Variants in EGFLAM observed in about 807,000 individuals in gnomAD.
The protein encoded by EGFLAM is pikachurin.
A neutral mutation model predicts 113.1 loss-of-function variants in EGFLAM; 79 were observed. The observed-to-expected ratio is 0.70, with a 90% CI of 0.58 to 0.84. The LOEUF (loss-of-function observed/expected upper bound fraction) is 0.84, where lower values mean the gene tolerates loss of function less well. Among genes scored for constraint, EGFLAM ranks in the 40% least tolerant of loss-of-function variants. The pLI, the probability that EGFLAM is intolerant of heterozygous loss-of-function variation, is 0.00. For missense variants in EGFLAM, 1,265 were observed against 1,291.6 expected, an observed-to-expected ratio of 0.98 and a Z score of 0.32; for synonymous variants, 504 against 487.6, an observed-to-expected ratio of 1.03 and a Z score of -0.44.
chr5:38,323,200 G>A (rs183790680), intron 1 of EGFLAM, among the ~76,000 whole-genome samples: 5 of 152,222 alleles, frequency 3.3e-5, no homozygotes, highest in Admixed American at 2.6e-4. Context: ...TGATATTTTT[G>A]TTTGCATTTT....
At chr5:38,329,250 C>T (rs1286248648) in intron 1 of EGFLAM, among the ~76,000 whole-genome samples, 1 of 151,642 alleles carries the variant, frequency 6.6e-6, no homozygotes, top group Non-Finnish European at 1.5e-5. Context: ...GATCACACCA[C>T]TGCACTCCAG....
intron 11 of EGFLAM, among the ~76,000 whole-genome samples, 197 bp from the exon 12 acceptor site, chr5:38,417,869 G>C (rs897272435): frequency 5.9e-5 from 9 of 152,118 alleles, no homozygotes; most frequent in African/African-American, 1.9e-4. Flanking sequence ...ACAGCCCTCT[G>C]AGAAACTCAC....
intron 3 of EGFLAM, among the ~76,000 whole-genome samples, chr5:38,340,307 G>T (rs950999510): frequency 9.9e-5 from 15 of 152,270 alleles, no homozygotes; most frequent in Admixed American, 6.5e-4. Context: ...CTTGAAAGGG[G>T]TGTAATAATT....
At chr5:38,444,699 C>G (rs112477077) in intron 17 of EGFLAM, among the ~76,000 whole-genome samples, 6,361 of 152,214 alleles carry the variant, frequency 0.042, 401 homozygotes, top group African/African-American at 0.14. Context: ...AATCCAGGCG[C>G]TTTGGGAGGC....
In EGFLAM at chr5:38,258,701, C is replaced by A. The variant is rs1757414004; in HGVS notation, c.-54C>A. 6.4e-7 allele frequency: 1 copy of A among 1,560,272 alleles called. No homozygotes were observed. The highest frequency in any genetic ancestry group is 8.7e-7 in the Non-Finnish European group (1 of 1,148,974). On this transcript the variant is annotated 5_prime_UTR_variant, in exon 1 of 22. Transcript: ENST00000322350. ...CGTCCCCCACGCGCCCCCGGAGACG[C>A]CCTTTCCGTGTGCGCCCGGGACTTG...
rs1293231075 is a variant in EGFLAM, at chr5:38,352,279, G to A, written c.493G>A (p.Gly165Arg). The change falls in exon 5 of 22, where the codon GGA (glycine) becomes AGA (arginine). Residue 165 changes from glycine (G) to arginine (R), a missense_variant. Coordinates refer to ENST00000322350, the MANE Select transcript of EGFLAM (RefSeq NM_152403.4). ...TGAGGTGGCCCTGTCTTGGAAACCTGGAGCGAGTGAAGGAAGCGCCCCTAT... is the reference window on the plus strand; with the variant it reads ...TGAGGTGGCCCTGTCTTGGAAACCTAGAGCGAGTGAAGGAAGCGCCCCTAT... ...DSEVALSWKP[G>R]ASEGSAPIQY... 1 of 1,613,940 alleles carries A rather than the reference G, an allele frequency of 6.2e-7. No individual in the cohort carries two copies. The highest frequency in any genetic ancestry group is 2.2e-5 in the East Asian group (1 of 44,888).
chr5:38,312,442 A>T (rs1026579754), intron 1 of EGFLAM, among the ~76,000 whole-genome samples: 1 of 151,822 alleles, frequency 6.6e-6, no homozygotes, highest in South Asian at 2.1e-4. Flanking sequence ...GGGTTTCACC[A>T]TGTTAGCCAG....
At chr5:38,463,184 C>A (rs1743348833) in intron 21 of EGFLAM, among the ~76,000 whole-genome samples, 173 bp downstream of exon 21, 1 of 152,126 alleles carries the variant, frequency 6.6e-6, no homozygotes, top group South Asian at 2.1e-4. Flanking sequence ...GCTGAGGGGG[C>A]AGGAAGGGCT....
rs1001641748 is a variant in EGFLAM at position 38,313,626 on chromosome 5, A to C, written c.98-23894A>C. Among the ~76,000 whole-genome samples the C allele has an allele frequency of 2.0e-5, 3 of 152,296 alleles. No homozygotes were observed. The East Asian group carries it at 5.8e-4, about 29-fold the overall frequency. On this transcript the variant is annotated intron_variant, in intron 1 of 21. Transcript: ENST00000322350. ...TTTACCAAGTAAAATAACTAATCAAAACATATAAAAACACTCCCTTTATAG... is the reference window on the plus strand; with the variant it reads ...TTTACCAAGTAAAATAACTAATCAACACATATAAAAACACTCCCTTTATAG...
intron 6 of EGFLAM, among the ~76,000 whole-genome samples, chr5:38,404,969 C>T (rs1741234503): frequency 6.6e-6 from 1 of 152,116 alleles, no homozygotes; most frequent in African/African-American, 2.4e-5. Context: ...GAATGTTCCC[C>T]AAAAGATGAT....
intron 1 of EGFLAM, among the ~76,000 whole-genome samples, chr5:38,314,653 T>C (rs1265224502): frequency 3.9e-5 from 6 of 152,258 alleles, no homozygotes; most frequent in African/African-American, 1.2e-4. Flanking sequence ...CTTAGATTTT[T>C]CTGTATTCCA....
At chr5:38,271,287 G>C (rs188919899) in intron 1 of EGFLAM, among the ~76,000 whole-genome samples, 27 of 152,292 alleles carry the variant, frequency 1.8e-4, no homozygotes, top group African/African-American at 6.3e-4. Context: ...GTGATATTAA[G>C]AGAATAAATG....
At chr5:38,408,093 G>C (rs1258982262) in intron 9 of EGFLAM, among the ~76,000 whole-genome samples, 188 bp downstream of exon 9, 2 of 152,204 alleles carry the variant, frequency 1.3e-5, no homozygotes, top group African/African-American at 4.8e-5. Context: ...CAACATTCAA[G>C]TGTGACAGTG....
intron 2 of EGFLAM, 117 bp downstream of exon 2, chr5:38,337,746 C>T: frequency 1.2e-6 from 1 of 819,312 alleles, no homozygotes; most frequent in East Asian, 2.7e-5. Flanking sequence ...CCCATTCTCC[C>T]TCCATAAAGC....
chr5:38,353,156 G>T (rs1739675447), intron 5 of EGFLAM, among the ~76,000 whole-genome samples: 1 of 152,176 alleles, frequency 6.6e-6, no homozygotes, highest in Non-Finnish European at 1.5e-5. Flanking sequence ...TTAGCAGAGG[G>T]TAGAGAGTGA....
chr5:38,357,196 C>T (rs1739785510), intron 5 of EGFLAM, among the ~76,000 whole-genome samples: 2 of 152,134 alleles, frequency 1.3e-5, no homozygotes, highest in Non-Finnish European at 2.9e-5. Context: ...ATCAAGGCTG[C>T]AGTGAGCCAT....
chr5:38,414,261 G>T (rs1318492709), intron 11 of EGFLAM, among the ~76,000 whole-genome samples: 1 of 152,206 alleles, frequency 6.6e-6, no homozygotes, highest in Non-Finnish European at 1.5e-5. Context: ...AAAAGACAGG[G>T]TCAGCGAACT....
In EGFLAM at chr5:38,448,373, T is replaced by C; in HGVS notation, c.2537T>C (p.Leu846Ser). The change falls in exon 18 of 22, where the codon TTG (leucine) becomes TCG (serine). Residue 846 changes from leucine (L) to serine (S), a missense_variant. Leu to Ser is a moderately radical substitution (Grantham distance 145). Coordinates refer to ENST00000322350, the MANE Select transcript of EGFLAM (RefSeq NM_152403.4). ...SYLTYDNPDI[L>S]KRVSGSRSNV... ...CTGACGTATGACAACCCAGATATCT[T>C]GAAGAGGTAATAAGCTTCAACAGGC... 2 of 1,614,130 alleles carry C rather than the reference T, an allele frequency of 1.2e-6. No individual in the cohort carries two copies. The highest frequency in any genetic ancestry group is 2.2e-5 in the East Asian group (1 of 44,880).
intron 5 of EGFLAM, among the ~76,000 whole-genome samples, chr5:38,362,279 A>G (rs560153486): frequency 1.3e-5 from 2 of 152,334 alleles, no homozygotes; most frequent in East Asian, 1.9e-4. Context: ...ATTTTATTTC[A>G]TGTGGAATGC....
Sources: gnomAD v4.1 joint callset for allele counts (sites outside exome capture counted in the v4.1 genomes callset) on GRCh38, gnomAD v4.1.1 for gene constraint, MANE v1.5 for transcripts, NCBI Gene and HGNC (gene_info 2026-07-23, HGNC 2026-07-21) for gene names.